Variants in ZNF766 observed in about 807,000 individuals in gnomAD.
ZNF766 encodes zinc finger protein 766.
In ZNF766, 13 loss-of-function variants were observed where a neutral mutation model predicts 13.2. That is an observed-to-expected ratio of 0.98 (90% CI 0.64 to 1.56). ZNF766 has a LOEUF of 1.56. Ranked by LOEUF, ZNF766 falls within the 40% of genes most tolerant of loss-of-function variation. The pLI is 0.00. For synonymous variants in ZNF766, 178 were observed against 187.6 expected, an observed-to-expected ratio of 0.95 and a Z score of 0.42; for missense variants, 521 against 552.2, an observed-to-expected ratio of 0.94 and a Z score of 0.57.
chr19:52,287,658 T>C (rs1470725644), intron 3 of ZNF766, among the ~76,000 whole-genome samples: 1 of 152,252 alleles, frequency 6.6e-6, no homozygotes, highest in African/African-American at 2.4e-5. Flanking sequence ...AGTCTTCTTA[T>C]TTGTTACTGG....
At chr19:52,282,285 T>C in intron 2 of ZNF766, 48 bp downstream of exon 2, 1 of 1,534,168 alleles carries the variant, frequency 6.5e-7, no homozygotes, top group East Asian at 2.4e-5. Context: ...TTAGTATCTC[T>C]GCATTTTCCC....
chr19:52,291,406 TATG>T lies in ZNF766; in HGVS notation c.*212_*214del. ...AGTCAAAATATGTTGAACCTAATGA[TATG>T]ATGTGTATAAAGGGTGCAAGGACAC... is the stretch of plus-strand genomic sequence containing the variant. On this transcript the variant is annotated 3_prime_UTR_variant, in exon 4 of 4. Transcript: ENST00000439461. 1 of 547,910 alleles carries T rather than the reference TATG, an allele frequency of 1.8e-6. No homozygotes were observed. The highest frequency in any genetic ancestry group is 3.5e-5 in the Admixed American group (1 of 28,274). 33.9% of individuals were successfully genotyped at this position (547,910 alleles called of 1,614,324 possible). A position where few individuals can be genotyped will look rare whatever the true frequency, so the allele number is the denominator to read the frequency against.
chr19:52,278,003 T>C (rs2560905), intron 1 of ZNF766, among the ~76,000 whole-genome samples: 57,873 of 147,880 alleles, frequency 0.39, 12,023 homozygotes, highest in African/African-American at 0.51. Context: ...ACAAGAGTCT[T>C]GCTCTGTCGT....
At chr19:52,270,671 C>G (rs1980937013) in intron 1 of ZNF766, among the ~76,000 whole-genome samples, 1 of 151,916 alleles carries the variant, frequency 6.6e-6, no homozygotes, top group Non-Finnish European at 1.5e-5. Flanking sequence ...GGGAATTTAA[C>G]AGGAGGAGCA....
At position 52,291,183 on chromosome 19, in the gene ZNF766, A is replaced by T; in HGVS notation, c.1392A>T (p.Arg464Ser). ...FVQHQRSVHE[R>S]VLTN is the part of the protein sequence containing the mutation. ...AGCATCAGAGAAGTGTTCATGAGAG[A>T]GTCCTTACAAACTGAGTTTGGCAAA... The change falls in exon 4 of 4, where the codon AGA becomes AGT. Residue 464 changes from arginine to serine, a missense_variant. By Grantham distance (110) the Arg-to-Ser change is moderately radical. Coordinates refer to ENST00000439461, the MANE Select transcript of ZNF766 (RefSeq NM_001010851.3). 1 of 1,567,364 alleles carries T rather than the reference A, an allele frequency of 6.4e-7. No individual in the cohort carries two copies. The highest frequency in any genetic ancestry group is 8.6e-7 in the Non-Finnish European group (1 of 1,157,720).
At chr19:52,284,942 T>C (rs1301215977) in intron 3 of ZNF766, 1 of 152,054 alleles carries the variant, frequency 6.6e-6, no homozygotes, top group African/African-American at 2.4e-5. Context: ...CAGGAACTTT[T>C]ATGGAGGCTT....
intron 3 of ZNF766, 41 bp downstream of exon 3, chr19:52,283,454 T>C: frequency 6.6e-7 from 1 of 1,524,800 alleles, no homozygotes; most frequent in Non-Finnish European, 8.8e-7. Flanking sequence ...ACACTTTTTT[T>C]TTTTTTTTTG....
intron 1 of ZNF766, among the ~76,000 whole-genome samples, chr19:52,276,101 T>C (rs1981184654): frequency 6.6e-6 from 1 of 152,250 alleles, no homozygotes. Context: ...GGCTGTATTA[T>C]ATATACCAGA....
intron 1 of ZNF766, chr19:52,277,006 G>A: frequency 1.5e-6 from 1 of 651,206 alleles, no homozygotes; most frequent in African/African-American, 2.0e-5. Flanking sequence ...CTTCCTGTAG[G>A]AGTTTATTGT....
At chr19:52,289,953 A>C in intron 3 of ZNF766, 113 bp from the exon 4 acceptor site, 1 of 1,072,802 alleles carries the variant, frequency 9.3e-7, no homozygotes, top group Non-Finnish European at 1.3e-6. Flanking sequence ...GTGATCCGAG[A>C]TCGTGCCACT....
At chr19:52,287,035 A>G (rs1030913153) in intron 3 of ZNF766, among the ~76,000 whole-genome samples, 3 of 151,668 alleles carry the variant, frequency 2.0e-5, no homozygotes, top group Non-Finnish European at 4.4e-5. Flanking sequence ...GTGTTTCACT[A>G]TGTTGGCCAA....
intron 1 of ZNF766, among the ~76,000 whole-genome samples, chr19:52,271,703 T>A (rs889008472): frequency 7.2e-5 from 11 of 152,358 alleles, no homozygotes; most frequent in African/African-American, 2.6e-4. Context: ...CTCACGCCTG[T>A]AATCCCAGCA....
chr19:52,287,645 T>A (rs1404373548), intron 3 of ZNF766, among the ~76,000 whole-genome samples: 1 of 152,254 alleles, frequency 6.6e-6, no homozygotes, highest in African/African-American at 2.4e-5. Flanking sequence ...TAATAACTGA[T>A]TCAGTCTTCT....
intron 3 of ZNF766, among the ~76,000 whole-genome samples, chr19:52,284,088 T>C (rs1981687351): frequency 6.6e-6 from 1 of 152,220 alleles, no homozygotes; most frequent in Non-Finnish European, 1.5e-5. Context: ...GCAGTGTTAC[T>C]GCAGCCCAAA....
chr19:52,291,314 C>A lies in ZNF766; in HGVS notation c.*116C>A. The stretch of plus-strand genomic sequence containing the variant: ...CAGGCTGTATCGAGACCTACCAAAT[C>A]ACTAGACATCGAAACATTCATCTTT... On this transcript the variant is annotated 3_prime_UTR_variant, in exon 4 of 4. Transcript: ENST00000439461. 9.9e-7 allele frequency: 1 copy of A among 1,009,556 alleles called. No homozygotes were observed. The highest frequency in any genetic ancestry group is 1.4e-6 in the Non-Finnish European group (1 of 696,972). The allele number at this position is 1,009,556 out of a possible 1,614,324, so 62.5% of individuals were successfully genotyped here.
At chr19:52,271,902 G>T (rs1400918438) in intron 1 of ZNF766, among the ~76,000 whole-genome samples, 1 of 149,592 alleles carries the variant, frequency 6.7e-6, no homozygotes, top group Non-Finnish European at 1.5e-5. Flanking sequence ...GGAGGTTGCA[G>T]TGAGCCGAGA....
chr19:52,291,246 G>A lies in ZNF766; in HGVS notation c.*48G>A. On this transcript the variant is annotated 3_prime_UTR_variant, in exon 4 of 4. Coordinates refer to ENST00000439461, the MANE Select transcript of ZNF766 (RefSeq NM_001010851.3). ...TTCTAGCAGTAATCAACATCCGAGA[G>A]TCTATACTAGAAAGAAATCATTTAA... The A allele has an allele frequency of 6.0e-6, 9 of 1,496,510 alleles. No individual in the cohort carries two copies. The highest frequency in any genetic ancestry group is 1.8e-4 in the Middle Eastern group (1 of 5,560). 92.7% of individuals were successfully genotyped at this position (1,496,510 alleles called of 1,614,324 possible).
Position 52,271,553 on chromosome 19 carries a change from C to G in ZNF766, c.18+1922C>G, listed in dbSNP as rs559313253. Among the ~76,000 whole-genome samples the G allele has an allele frequency of 2.2e-4, 34 of 152,330 alleles. No individual in the cohort carries two copies. The South Asian group carries it at 6.4e-3, about 29-fold the overall frequency. Reference sequence around the variant, plus strand: ...TGCGATTGTGCACCAGGTGCCAGCCCTACTCACAGTCTCAGGACAGTGTGA... The same window carrying G: ...TGCGATTGTGCACCAGGTGCCAGCCGTACTCACAGTCTCAGGACAGTGTGA... On this transcript the variant is annotated intron_variant, in intron 1 of 3. Coordinates refer to ENST00000439461, the MANE Select transcript of ZNF766 (RefSeq NM_001010851.3).
chr19:52,287,868 T>C (rs933845295), intron 3 of ZNF766, among the ~76,000 whole-genome samples: 3 of 152,154 alleles, frequency 2.0e-5, no homozygotes, highest in Admixed American at 6.5e-5. Flanking sequence ...GTATGCTTCA[T>C]GTTTCTTTTT....
Sources: gnomAD v4.1 joint callset for allele counts (sites outside exome capture counted in the v4.1 genomes callset) on GRCh38, gnomAD v4.1.1 for gene constraint, MANE v1.5 for transcripts, NCBI Gene and HGNC (gene_info 2026-07-23, HGNC 2026-07-21) for gene names.